The following ADGRB3 variants were observed in gnomAD, a reference collection of about 807,000 sequenced individuals.
ADGRB3 encodes brain-specific angiogenesis inhibitor 3.
ADGRB3 carries 37 observed loss-of-function variants against 193.4 expected under a neutral mutation model. The observed-to-expected ratio is 0.19, with a 90% CI of 0.15 to 0.25. The LOEUF is 0.25. Among genes scored for constraint, ADGRB3 ranks in the 10% least tolerant of loss-of-function variants. ADGRB3 has a pLI of 1.00. For synonymous variants in ADGRB3, 690 were observed against 644.2 expected (o/e 1.07, Z -1.08); for missense variants, 1,637 against 1,852.9 (o/e 0.88, Z 2.14).
At chr6:68,723,423 A>G (rs944792854) in intron 3 of ADGRB3, among the ~76,000 whole-genome samples, 22 of 151,750 alleles carry the variant, frequency 1.4e-4, no homozygotes, top group Non-Finnish European at 2.8e-4. Flanking sequence ...CTGGTAAGCG[A>G]CAGTTCGATA....
intron 3 of ADGRB3, among the ~76,000 whole-genome samples, chr6:68,794,704 T>C (rs2127368082): frequency 6.6e-6 from 1 of 152,226 alleles, no homozygotes; most frequent in South Asian, 2.1e-4. Flanking sequence ...GAAATTAGAG[T>C]TACAGTATAA....
chr6:69,344,237 C>T (rs1348759732), intron 26 of ADGRB3, among the ~76,000 whole-genome samples: 1 of 152,160 alleles, frequency 6.6e-6, no homozygotes, highest in Non-Finnish European at 1.5e-5. Context: ...TCTGTAGCAT[C>T]ACTAACAGGG....
At chr6:68,995,013 A>G (rs1769344379) in intron 11 of ADGRB3, among the ~76,000 whole-genome samples, 1 of 152,214 alleles carries the variant, frequency 6.6e-6, no homozygotes, top group South Asian at 2.1e-4. Flanking sequence ...CTAAAATCAT[A>G]TGCATATACT....
intron 3 of ADGRB3, among the ~76,000 whole-genome samples, chr6:68,758,262 T>C (rs183936987): frequency 2.3e-4 from 35 of 152,166 alleles, no homozygotes; most frequent in Non-Finnish European, 3.8e-4. Context: ...GTTTCTAATA[T>C]CACCGACTCC....
At chr6:68,737,773 A>G (rs554645646) in intron 3 of ADGRB3, among the ~76,000 whole-genome samples, 3 of 152,284 alleles carry the variant, frequency 2.0e-5, no homozygotes, top group Admixed American at 1.3e-4. Context: ...GCCAAAAAAA[A>G]GGTTAGACTG....
At chr6:69,375,749 T>A (rs562187362) in intron 30 of ADGRB3, among the ~76,000 whole-genome samples, 10 of 152,008 alleles carry the variant, frequency 6.6e-5, no homozygotes, top group African/African-American at 2.4e-4. Context: ...AATATATGGA[T>A]AAAGAAGTAT....
chr6:69,179,324 T>C (rs62406814), intron 17 of ADGRB3, among the ~76,000 whole-genome samples: 21,541 of 152,190 alleles, frequency 0.14, 1,574 homozygotes, highest in Middle Eastern at 0.16. Flanking sequence ...AGTGAGTTTT[T>C]GTATTCTAAA....
chr6:68,940,274 C>T (rs1194474193), intron 5 of ADGRB3, among the ~76,000 whole-genome samples: 1 of 152,044 alleles, frequency 6.6e-6, no homozygotes, highest in East Asian at 1.9e-4. Context: ...GCTTCTCAAC[C>T]TCATTACTAC....
chr6:69,277,373 C>T (rs904774350), intron 20 of ADGRB3, among the ~76,000 whole-genome samples: 12 of 152,180 alleles, frequency 7.9e-5, no homozygotes, highest in African/African-American at 2.7e-4. Context: ...CACTAGTCAA[C>T]ACCATTTCTC....
chr6:69,048,768 T>C (rs1771308985), intron 14 of ADGRB3, among the ~76,000 whole-genome samples: 1 of 152,128 alleles, frequency 6.6e-6, no homozygotes, highest in South Asian at 2.1e-4. Flanking sequence ...GATGATAAAA[T>C]AATCAGTACA....
chr6:69,202,427 A>T (rs1194541415), intron 17 of ADGRB3, among the ~76,000 whole-genome samples: 1 of 152,058 alleles, frequency 6.6e-6, no homozygotes, highest in Non-Finnish European at 1.5e-5. Context: ...TAAATTCTAC[A>T]TTCCAATCTG....
chr6:68,879,214 T>C (rs1367851877), intron 3 of ADGRB3, among the ~76,000 whole-genome samples: 13 of 44,824 alleles, frequency 2.9e-4, no homozygotes, highest in Admixed American at 1.3e-3. Flanking sequence ...TTTTTGTCGC[T>C]TTTTTTTTTT....
At chr6:68,912,025 T>A (rs1766727230) in intron 3 of ADGRB3, among the ~76,000 whole-genome samples, 1 of 152,072 alleles carries the variant, frequency 6.6e-6, no homozygotes, top group African/African-American at 2.4e-5. Flanking sequence ...AAATAAAGTA[T>A]TTGTATGATT....
At chr6:69,032,817 G>A (rs1049217759) in intron 13 of ADGRB3, among the ~76,000 whole-genome samples, 40 of 152,260 alleles carry the variant, frequency 2.6e-4, no homozygotes, top group African/African-American at 9.6e-4. Flanking sequence ...TTTGGAGTTA[G>A]ACATCTGGCT....
At chr6:69,281,082 C>T (rs922785767) in intron 20 of ADGRB3, among the ~76,000 whole-genome samples, 1 of 152,236 alleles carries the variant, frequency 6.6e-6, no homozygotes, top group Non-Finnish European at 1.5e-5. Context: ...CAGGCAGCCT[C>T]ACAGCATTTA....
At chr6:69,305,506 T>C (rs1768049526) in intron 20 of ADGRB3, among the ~76,000 whole-genome samples, 1 of 151,450 alleles carries the variant, frequency 6.6e-6, no homozygotes, top group African/African-American at 2.4e-5. Context: ...GAATATTTTT[T>C]CTAGGATTAA....
At chr6:69,330,013 T>C (rs930236672) in intron 22 of ADGRB3, among the ~76,000 whole-genome samples, 3 of 152,304 alleles carry the variant, frequency 2.0e-5, no homozygotes, top group South Asian at 4.1e-4. Context: ...CAAATGTAGC[T>C]TATCCATTCC....
intron 1 of ADGRB3, among the ~76,000 whole-genome samples, chr6:68,636,719 C>T (rs753884563): frequency 6.6e-6 from 1 of 152,120 alleles, no homozygotes; most frequent in Non-Finnish European, 1.5e-5. Context: ...TTTCCTCACT[C>T]TCTGATCATT....
intron 30 of ADGRB3, among the ~76,000 whole-genome samples, chr6:69,378,746 T>C (rs1475206792): frequency 1.3e-5 from 2 of 152,008 alleles, no homozygotes; most frequent in East Asian, 3.9e-4. Flanking sequence ...TAGATCCAAC[T>C]TGGAGAAATA....
Sources: allele counts gnomAD v4.1 joint callset (sites outside exome capture counted in the v4.1 genomes callset), GRCh38; gene constraint gnomAD v4.1.1; transcripts MANE v1.5; gene names NCBI Gene and HGNC (gene_info 2026-07-23, HGNC 2026-07-21).